DSG1: variants seen among roughly 807,000 people sequenced by gnomAD.
DSG1 encodes the protein desmoglein-1.
In DSG1, 39 loss-of-function variants were observed where a neutral mutation model predicts 97.5. The ratio of observed to expected loss-of-function variants is 0.40; its 90% CI spans 0.31 to 0.52. The LOEUF is 0.52. Ranked by LOEUF, DSG1 falls within the 20% of genes least tolerant of loss-of-function variation. The pLI, the probability that DSG1 is intolerant of heterozygous loss-of-function variation, is 0.53. For synonymous variants in DSG1, 475 were observed against 443.4 expected (o/e 1.07, Z -0.90); for missense variants, 1,311 against 1,295.4 (o/e 1.01, Z -0.18).
At chr18:31,347,253 A>G (rs2071847119) in intron 14 of DSG1, among the ~76,000 whole-genome samples, 1 of 152,234 alleles carries the variant, frequency 6.6e-6, no homozygotes, top group Admixed American at 6.5e-5. Flanking sequence ...ATTCATATAT[A>G]CAACAAAATA....
At chr18:31,326,668 G>A in intron 2 of DSG1, 52 bp downstream of exon 2, 1 of 1,475,228 alleles carries the variant, frequency 6.8e-7, no homozygotes, top group East Asian at 2.3e-5. Flanking sequence ...AAAATAATTT[G>A]AGAATAACAA....
intron 4 of DSG1, among the ~76,000 whole-genome samples, chr18:31,329,241 C>T (rs2071705660): frequency 6.6e-6 from 1 of 151,988 alleles, no homozygotes; most frequent in Non-Finnish European, 1.5e-5. Flanking sequence ...TCTCTATCGT[C>T]ATGGCCAACA....
At position 31,355,254 on chromosome 18, in the gene DSG1, G is replaced by C; in HGVS notation, c.3058G>C (p.Asp1020His). The C allele has an allele frequency of 6.2e-7, 1 of 1,612,412 alleles. No homozygotes were observed. Among genetic ancestry groups the C allele is most frequent in the Non-Finnish European group, 8.5e-7 (1 of 1,178,846 alleles). Reference sequence around the variant, plus strand: ...CATTGGCCACATGAGGAGTTCCTCTGACCATCACTTTAACCAAACCATTGG... The same window carrying C: ...CATTGGCCACATGAGGAGTTCCTCTCACCATCACTTTAACCAAACCATTGG... ...ASIGHMRSSS[D>H]HHFNQTIGSA... The change falls in exon 15 of 15, where the codon GAC (aspartate) becomes CAC (histidine). Residue 1020 changes from aspartate (D) to histidine (H), a missense_variant. Asp to His is a moderately conservative substitution (Grantham distance 81, BLOSUM62 -1). Around this residue, in one of 3 missense-constraint regions of DSG1, gnomAD observed 1,038 missense variants for 964.6 expected, o/e 1.08. Transcript: ENST00000257192.
chr18:31,345,619 T>C (rs1229331406), intron 13 of DSG1, among the ~76,000 whole-genome samples: 5 of 135,444 alleles, frequency 3.7e-5, no homozygotes, highest in African/African-American at 1.3e-4. Context: ...CCTGTGCTTC[T>C]AGTTATACAC....
In DSG1 at chr18:31,355,553, G is replaced by A; in HGVS notation, c.*207G>A. 1.7e-6 allele frequency: 1 copy of A among 598,160 alleles called. No individual in the cohort carries two copies. The highest frequency in any genetic ancestry group is 2.9e-5 in the East Asian group (1 of 34,920). The allele number at this position is 598,160 out of a possible 1,614,324, so 37.1% of individuals were successfully genotyped here. A position where few individuals can be genotyped will look rare whatever the true frequency, so the allele number is the denominator to read the frequency against. ...ATTCATAAACTTTTCTCTTATATTA[G>A]GACTAAGGAACTAAAACTTGAGGCA... is the stretch of plus-strand genomic sequence containing the variant. On this transcript the variant is annotated 3_prime_UTR_variant, in exon 15 of 15. Coordinates refer to ENST00000257192, the MANE Select transcript of DSG1 (RefSeq NM_001942.4).
chr18:31,354,818 C>T lies in DSG1; in HGVS notation c.2622C>T (p.Gly874=), dbSNP rs149729348. The T allele has an allele frequency of 2.4e-3, 3,913 of 1,614,080 alleles. 21 individuals are homozygous for T. Among genetic ancestry groups the T allele is most frequent in the South Asian group, 0.012 (1,074 of 91,068 alleles). Residue 874 remains glycine, a synonymous_variant, in exon 15 of 15, where the codon GGC becomes GGT. Coordinates refer to ENST00000257192, the MANE Select transcript of DSG1 (RefSeq NM_001942.4). Reference sequence around the variant, plus strand: ...AGAGAGTGGTCGGCCCAATCTCTGGCGCTGATTTGCATGGAATGTTAGAGA... The same window carrying T: ...AGAGAGTGGTCGGCCCAATCTCTGGTGCTGATTTGCATGGAATGTTAGAGA... ...VTERVVGPIS[G]ADLHGMLEMP...
intron 1 of DSG1, among the ~76,000 whole-genome samples, chr18:31,326,060 CT>C (rs1252966372): frequency 6.6e-6 from 1 of 151,874 alleles, no homozygotes. Flanking sequence ...AAAACATTAT[CT>C]TTTTATACTT....
At position 31,343,833 on chromosome 18, in the gene DSG1, C is replaced by G. The variant is rs1037136774; in HGVS notation, c.1822-93C>G. The G allele has an allele frequency of 2.5e-4, 304 of 1,204,100 alleles. 2 individuals are homozygous for G. Among genetic ancestry groups the G allele is most frequent in the Non-Finnish European group, 3.6e-4 (297 of 824,776 alleles). The allele number at this position is 1,204,100 out of a possible 1,614,324, so 74.6% of individuals were successfully genotyped here. A position where few individuals can be genotyped will look rare whatever the true frequency, so the allele number is the denominator to read the frequency against. On this transcript the variant is annotated intron_variant, in intron 12 of 14. Coordinates refer to ENST00000257192, the MANE Select transcript of DSG1 (RefSeq NM_001942.4). ...AAATAGTATTTTTTTTTTAGGAAAT[C>G]TGAGGTAATTTAAGAATAAACCAAA...
At position 31,343,553 on chromosome 18, in the gene DSG1, G is replaced by C. The variant is rs2071805030; in HGVS notation, c.1791G>C (p.Trp597Cys). 2 of 1,613,930 alleles carry C rather than the reference G, an allele frequency of 1.2e-6. No individual in the cohort carries two copies. ...GTTCAGATGGAGCAATTCATTCATG[G>C]GCAGTAGAAGGACCACAGCCTGAAC... ...PECSDGAIHSWAVEGPQPEPR... is the reference protein window; with the variant it reads ...PECSDGAIHSCAVEGPQPEPR... The change falls in exon 12 of 15, where the codon TGG becomes TGC. Residue 597 changes from tryptophan (W) to cysteine (C), a missense_variant. Transcript: ENST00000257192.
chr18:31,355,688 C>G lies in DSG1; in HGVS notation c.*342C>G, dbSNP rs1419355524. 1.4e-5 allele frequency: 4 copies of G among 282,706 alleles called. No homozygotes were observed. Among genetic ancestry groups the G allele is most frequent in the Admixed American group, 1.3e-4 (3 of 22,234 alleles). The allele number at this position is 282,706 out of a possible 1,614,324, so 17.5% of individuals were successfully genotyped here. A position where few individuals can be genotyped will look rare whatever the true frequency, so the allele number is the denominator to read the frequency against. On this transcript the variant is annotated 3_prime_UTR_variant, in exon 15 of 15. Coordinates refer to ENST00000257192, the MANE Select transcript of DSG1 (RefSeq NM_001942.4). ...CTCTGTTTTGCTTTTCCATATAGCT[C>G]GAGCAAAATTCAAAAAGAACTAAAT...
At chr18:31,341,116 G>A (rs1409724585) in intron 11 of DSG1, among the ~76,000 whole-genome samples, 2 of 152,158 alleles carry the variant, frequency 1.3e-5, no homozygotes, top group Non-Finnish European at 2.9e-5. Flanking sequence ...ACATTACCTC[G>A]AATGATGATA....
At position 31,336,349 on chromosome 18, in the gene DSG1, T is replaced by C. The variant is rs776434479; in HGVS notation, c.1006-5T>C. ...AATGAAACTATTTTACTCTGTATTT[T>C]CTAGCCCTTAGATTATGAAGCTATG... On this transcript the variant is annotated splice_polypyrimidine_tract_variant and splice_region_variant and intron_variant, in intron 8 of 14. Coordinates refer to ENST00000257192, the MANE Select transcript of DSG1 (RefSeq NM_001942.4). The C allele has an allele frequency of 6.2e-7, 1 of 1,612,924 alleles. No homozygotes were observed.
At chr18:31,325,404 T>G (rs11660608) in intron 1 of DSG1, among the ~76,000 whole-genome samples, 62,844 of 152,060 alleles carry the variant, frequency 0.41, 14,233 homozygotes, top group Non-Finnish European at 0.5. Context: ...AAGAAATGGC[T>G]TTCAAACACA....
Position 31,354,609 on chromosome 18 carries a change from A to G in DSG1, c.2413A>G (p.Thr805Ala). ...GHPPISPHFG[T>A]TTVISESTYP... ...CCCACCAATCTCCCCACATTTCGGCACTACCACAGTAATTTCTGAGAGCAC... is the reference window on the plus strand; with the variant it reads ...CCCACCAATCTCCCCACATTTCGGCGCTACCACAGTAATTTCTGAGAGCAC... Residue 805 changes from threonine (T) to alanine (A), a missense_variant, in exon 15 of 15, where the codon ACT (threonine) becomes GCT (alanine). Thr to Ala is a moderately conservative substitution (Grantham distance 58). Transcript: ENST00000257192. The G allele has an allele frequency of 6.2e-7, 1 of 1,614,148 alleles. No individual in the cohort carries two copies. The highest frequency in any genetic ancestry group is 8.5e-7 in the Non-Finnish European group (1 of 1,180,024).
Position 31,334,024 on chromosome 18 carries a change from T to A in DSG1, c.827T>A (p.Ile276Lys), listed in dbSNP as rs917456060. The A allele has an allele frequency of 4.4e-6, 7 of 1,603,370 alleles. No homozygotes were observed. Among genetic ancestry groups the A allele is most frequent in the Non-Finnish European group, 8.5e-7 (1 of 1,170,752 alleles). The stretch of plus-strand genomic sequence containing the variant: ...TTTCACTTCTTGTTTCAGTATACCA[T>A]AGAAATTCAAGAAAATACTCTAAAT... ...IPYMEQSSYT[I>K]EIQENTLNSN... Residue 276 changes from isoleucine to lysine, a missense_variant, in exon 8 of 15, where the codon ATA becomes AAA. Around this residue, in one of 3 missense-constraint regions of DSG1, gnomAD observed 1,038 missense variants for 964.6 expected, o/e 1.08. Coordinates refer to ENST00000257192, the MANE Select transcript of DSG1 (RefSeq NM_001942.4).
intron 10 of DSG1, 110 bp from the exon 11 acceptor site, chr18:31,339,634 G>T: frequency 1.3e-6 from 1 of 748,184 alleles, no homozygotes; most frequent in Admixed American, 3.2e-5. Flanking sequence ...GAGAAATTAT[G>T]GGAATAAAGA....
intron 6 of DSG1, among the ~76,000 whole-genome samples, chr18:31,333,343 C>T (rs910277815): frequency 2.0e-5 from 3 of 152,074 alleles, no homozygotes; most frequent in Non-Finnish European, 4.4e-5. Flanking sequence ...CTTTTTCAAC[C>T]TCTGGACATA....
At chr18:31,326,520 A>T (rs1193676497) in intron 1 of DSG1, 61 bp from the exon 2 acceptor site, 1 of 1,250,226 alleles carries the variant, frequency 8.0e-7, no homozygotes, top group African/African-American at 1.5e-5. Flanking sequence ...GTAACTGGAT[A>T]ATATAAATTT....
In DSG1 at chr18:31,346,077, T is replaced by A. The variant is rs201160049; in HGVS notation, c.1979T>A (p.Val660Asp). The change falls in exon 14 of 15, where the codon GTT becomes GAT. Residue 660 changes from valine (V) to aspartate (D), a missense_variant. Coordinates refer to ENST00000257192, the MANE Select transcript of DSG1 (RefSeq NM_001942.4). ...RMTGFELTEG[V>D]KTSGMPEICQ... ...ACAGGATTTGAACTAACAGAGGGAG[T>A]TAAAACTTCAGGAATGCCTGAGATA... is the stretch of plus-strand genomic sequence containing the variant. 224 of 1,613,646 alleles carry A rather than the reference T, an allele frequency of 1.4e-4. No individual in the cohort carries two copies. Among genetic ancestry groups the A allele is most frequent in the Admixed American group, 2.5e-4 (15 of 59,974 alleles).
Sources: allele counts gnomAD v4.1 joint callset (sites outside exome capture counted in the v4.1 genomes callset), GRCh38; gene constraint gnomAD v4.1.1; regional missense constraint gnomAD v4.1.1; transcripts MANE v1.5; gene names NCBI Gene and HGNC (gene_info 2026-07-23, HGNC 2026-07-21).